KCNIP4: variants seen among roughly 807,000 people sequenced by gnomAD.
KCNIP4 encodes potassium voltage-gated channel interacting protein 4, also known as Kv channel-interacting protein 4.
In KCNIP4, 12 loss-of-function variants were observed where a neutral mutation model predicts 34.0. The observed-to-expected ratio is 0.35, with a 90% CI of 0.23 to 0.57. The LOEUF is 0.57. Among genes scored for constraint, KCNIP4 ranks in the 20% least tolerant of loss-of-function variants. The probability of loss-of-function intolerance (pLI) is 0.83; values close to 1 mark genes in which losing one functional copy is unlikely to be tolerated. For synonymous variants in KCNIP4, 124 were observed against 102.2 expected, an observed-to-expected ratio of 1.21 and a Z score of -1.29; for missense variants, 238 against 311.7, an observed-to-expected ratio of 0.76 and a Z score of 1.78.
At chr4:21,649,683 C>T (rs186056932) in intron 1 of KCNIP4, among the ~76,000 whole-genome samples, 1 of 152,190 alleles carries the variant, frequency 6.6e-6, no homozygotes, top group Non-Finnish European at 1.5e-5. Flanking sequence ...TTTGCAAATG[C>T]CTGTATTTCT....
chr4:21,040,016 G>C (rs1051622753), intron 1 of KCNIP4, among the ~76,000 whole-genome samples: 1 of 152,156 alleles, frequency 6.6e-6, no homozygotes, highest in African/African-American at 2.4e-5. Flanking sequence ...CGGCAGGTGA[G>C]AGAGTGCGTG....
intron 1 of KCNIP4, among the ~76,000 whole-genome samples, chr4:21,604,593 T>A (rs2109128961): frequency 6.6e-6 from 1 of 152,344 alleles, no homozygotes; most frequent in Middle Eastern, 3.4e-3. Context: ...TGGAAATTTT[T>A]GTCTAAGAGT....
chr4:20,959,507 T>C (rs1387985443), intron 1 of KCNIP4, among the ~76,000 whole-genome samples: 1 of 152,230 alleles, frequency 6.6e-6, no homozygotes, highest in Non-Finnish European at 1.5e-5. Flanking sequence ...GGAGACTGAT[T>C]ATTAAAATTC....
At chr4:20,837,655 G>T (rs2149466484) in intron 3 of KCNIP4, among the ~76,000 whole-genome samples, 1 of 143,482 alleles carries the variant, frequency 7.0e-6, no homozygotes, top group Non-Finnish European at 1.5e-5. Context: ...TTATTGAGTT[G>T]TCAGTGCTAT....
intron 1 of KCNIP4, among the ~76,000 whole-genome samples, chr4:21,743,684 A>G (rs1276301399): frequency 6.6e-6 from 1 of 150,920 alleles, no homozygotes; most frequent in Non-Finnish European, 1.5e-5. Context: ...CTTTTTCTCC[A>G]TATATCACTT....
chr4:21,248,920 G>A (rs1244869010), intron 1 of KCNIP4, among the ~76,000 whole-genome samples: 1 of 152,200 alleles, frequency 6.6e-6, no homozygotes, highest in African/African-American at 2.4e-5. Context: ...TTAAAAGTCA[G>A]TGCTTTCGCT....
At chr4:21,222,902 G>A (rs998826484) in intron 1 of KCNIP4, among the ~76,000 whole-genome samples, 1 of 151,858 alleles carries the variant, frequency 6.6e-6, no homozygotes, top group African/African-American at 2.4e-5. Flanking sequence ...GAAGGTAGAC[G>A]ACTAAAGTTT....
intron 1 of KCNIP4, among the ~76,000 whole-genome samples, chr4:21,447,428 T>C (rs1257439032): frequency 6.6e-6 from 1 of 152,160 alleles, no homozygotes; most frequent in Non-Finnish European, 1.5e-5. Flanking sequence ...TGTGAGAGAA[T>C]AAATTTCTGT....
At chr4:21,833,551 C>T (rs1230108855) in intron 1 of KCNIP4, among the ~76,000 whole-genome samples, 1 of 152,168 alleles carries the variant, frequency 6.6e-6, no homozygotes, top group Non-Finnish European at 1.5e-5. Flanking sequence ...TGCCTGTTCA[C>T]TCTGATAGTA....
At chr4:21,013,998 G>A (rs537493195) in intron 1 of KCNIP4, among the ~76,000 whole-genome samples, 1 of 152,144 alleles carries the variant, frequency 6.6e-6, no homozygotes, top group South Asian at 2.1e-4. Flanking sequence ...TTACATAAAT[G>A]TTGATGTTCC....
intron 1 of KCNIP4, among the ~76,000 whole-genome samples, chr4:21,538,799 G>A (rs919772123): frequency 6.6e-6 from 1 of 152,066 alleles, no homozygotes; most frequent in African/African-American, 2.4e-5. Context: ...TATGAATGTG[G>A]CACGACTGAA....
intron 1 of KCNIP4, among the ~76,000 whole-genome samples, chr4:21,401,199 T>C (rs1468190744): frequency 1.3e-5 from 2 of 152,160 alleles, no homozygotes; most frequent in Non-Finnish European, 2.9e-5. Context: ...GCCATTAAAC[T>C]AGCAGGCTTT....
Position 21,884,968 on chromosome 4 carries a change from AT to A in KCNIP4, c.61+63602del, listed in dbSNP as rs1288661538. Among the ~76,000 whole-genome samples, 10 of 151,932 alleles carry A rather than the reference AT, an allele frequency of 6.6e-5. No individual in the cohort carries two copies. The East Asian group carries it at 1.9e-3, about 30-fold the overall frequency. On this transcript the variant is annotated intron_variant, in intron 1 of 8. Transcript: ENST00000382152. ...CAGTAGCCTCCCCCCCACTACTGTT[AT>A]TTTCAAACTTGATTATTTAATTGGG...
At chr4:21,377,554 T>A (rs1397968198) in intron 1 of KCNIP4, among the ~76,000 whole-genome samples, 1 of 152,238 alleles carries the variant, frequency 6.6e-6, no homozygotes, top group Admixed American at 6.5e-5. Context: ...TCTTTTTGTA[T>A]AGGGGATCTG....
At chr4:21,356,693 C>A (rs886236326) in intron 1 of KCNIP4, among the ~76,000 whole-genome samples, 2 of 152,112 alleles carry the variant, frequency 1.3e-5, no homozygotes, top group African/African-American at 4.8e-5. Context: ...AGGAACATTC[C>A]ATATTTGTGG....
At position 21,446,621 on chromosome 4, in the gene KCNIP4, G is replaced by T. The variant is rs1341007428; in HGVS notation, c.61+501950C>A. On this transcript the variant is annotated intron_variant, in intron 1 of 8. Transcript: ENST00000382152. ...AGGGGAACATCACACACTGGGGCCT[G>T]TTGTGGGGTGGGGGGAGGGGGGAGG... 6.3e-5 allele frequency among the ~76,000 whole-genome samples: 7 copies of T among 110,846 alleles called. No individual in the cohort carries two copies. In the East Asian group the frequency reaches 2.2e-3, roughly 35 times the overall value. The allele number at this position is 110,846 out of a possible 152,430, so 72.7% of individuals were successfully genotyped here.
chr4:21,569,980 T>G (rs1740237417), intron 1 of KCNIP4, among the ~76,000 whole-genome samples: 3 of 151,698 alleles, frequency 2.0e-5, no homozygotes, highest in African/African-American at 7.3e-5. Flanking sequence ...TATGTGGTAC[T>G]CCCCCCACTC....
rs1182253209 is a variant in KCNIP4 at position 21,517,952 on chromosome 4, C to CA, written c.61+430618dup. Reference sequence around the variant, plus strand: ...TGTGGATGTTATCCTATTTATTCCACACAAAAGCCTACGGTGGTATTATTC... The same window carrying CA: ...TGTGGATGTTATCCTATTTATTCCACAACAAAAGCCTACGGTGGTATTATTC... On this transcript the variant is annotated intron_variant, in intron 1 of 8. Transcript: ENST00000382152. Among the ~76,000 whole-genome samples, 72 of 152,186 alleles carry CA rather than the reference C, an allele frequency of 4.7e-4. No homozygotes were observed. The East Asian group carries it at 8.1e-3, about 17-fold the overall frequency.
intron 3 of KCNIP4, among the ~76,000 whole-genome samples, chr4:20,833,708 C>T (rs113179368): frequency 2.0e-5 from 3 of 152,086 alleles, no homozygotes; most frequent in South Asian, 4.1e-4. Flanking sequence ...ACTTTTTCCT[C>T]GAAGGTGCTA....
Sources: gnomAD v4.1 joint callset for allele counts (sites outside exome capture counted in the v4.1 genomes callset) on GRCh38, gnomAD v4.1.1 for gene constraint, MANE v1.5 for transcripts, NCBI Gene and HGNC (gene_info 2026-07-23, HGNC 2026-07-21) for gene names.